Variants in CFAP54 observed in about 807,000 individuals in gnomAD.
CFAP54 encodes cilia and flagella associated protein 54.
In CFAP54, 290 loss-of-function variants were observed where a neutral mutation model predicts 370.4. That is an observed-to-expected ratio of 0.78 (90% CI 0.71 to 0.86). The LOEUF is 0.86. CFAP54 is among the 40% of genes least tolerant of loss of function. CFAP54 has a pLI of 0.00. For synonymous variants in CFAP54, 1,206 were observed against 1,236.5 expected (o/e 0.98, Z 0.52); for missense variants, 3,399 against 3,528.7 (o/e 0.96, Z 0.93).
At chr12:96,603,951 ACTT>A (rs1956272623) in intron 26 of CFAP54, among the ~76,000 whole-genome samples, 1 of 152,078 alleles carries the variant, frequency 6.6e-6, no homozygotes, top group Non-Finnish European at 1.5e-5. Context: ...TCTGAAGCCT[ACTT>A]CTGTGAACTC....
chr12:96,539,939 C>A (rs1565889824), intron 13 of CFAP54, among the ~76,000 whole-genome samples: 1 of 152,120 alleles, frequency 6.6e-6, no homozygotes, highest in African/African-American at 2.4e-5. Context: ...TTGGAAGCTG[C>A]ATAAGATTAG....
At chr12:96,634,105 G>C (rs567796278) in intron 32 of CFAP54, among the ~76,000 whole-genome samples, 8 of 127,236 alleles carry the variant, frequency 6.3e-5, no homozygotes, top group Non-Finnish European at 1.3e-4. Context: ...GCCCAGGCTG[G>C]AGTGCAGTGG....
At position 96,651,567 on chromosome 12, in the gene CFAP54, T is replaced by C. The variant is rs113801385; in HGVS notation, c.4873-21T>C. The C allele has an allele frequency of 8.3e-4, 1,329 of 1,598,372 alleles. 6 individuals carry two copies. The African/African-American group carries it at 0.016, about 20-fold the overall frequency. ...TAACTTTTGGAACTTTGGGATCTTT[T>C]AAATTTTGTGTTTGTCATAGGTTCT... On this transcript the variant is annotated intron_variant, in intron 35 of 67. Coordinates refer to ENST00000524981, the MANE Select transcript of CFAP54 (RefSeq NM_001306084.2).
chr12:96,635,608 C>T (rs1240663315), intron 32 of CFAP54, among the ~76,000 whole-genome samples: 1 of 152,188 alleles, frequency 6.6e-6, no homozygotes, highest in Non-Finnish European at 1.5e-5. Flanking sequence ...GCACATCCCA[C>T]AAGTTAAAGG....
At chr12:96,628,818 A>G (rs1280121455) in intron 30 of CFAP54, among the ~76,000 whole-genome samples, 1 of 152,122 alleles carries the variant, frequency 6.6e-6, no homozygotes. Context: ...CCGTCTTGTC[A>G]TTAGCCTTGC....
chr12:96,779,603 T>C (rs1958561152), intron 60 of CFAP54, among the ~76,000 whole-genome samples: 1 of 150,332 alleles, frequency 6.7e-6, no homozygotes, highest in South Asian at 2.1e-4. Context: ...GCAATTAAGA[T>C]TTCACTACAT....
At position 96,764,193 on chromosome 12, in the gene CFAP54, A is replaced by G. The variant is rs1958371421; in HGVS notation, c.8083A>G (p.Asn2695Asp). Residue 2695 changes from asparagine (N) to aspartate (D), a missense_variant, in exon 59 of 68, where the codon AAT becomes GAT. This residue lies in a region of CFAP54 where 2,796 missense variants were observed against 2,869.7 expected (regional missense o/e 0.97). Coordinates refer to ENST00000524981, the MANE Select transcript of CFAP54 (RefSeq NM_001306084.2). ...TAGTTCTGTTAAAGAAACATCAGCA[A>G]ATAAATTTGAAATGTACAGTTCATT... ...RSSSVKETSA[N>D]KFEMYSSLAW... The G allele has an allele frequency of 6.2e-7, 1 of 1,613,364 alleles. No homozygotes were observed. The highest frequency in any genetic ancestry group is 1.3e-5 in the African/African-American group (1 of 74,898).
In CFAP54 at chr12:96,753,899, G is replaced by A. The variant is rs1329643493; in HGVS notation, c.7840+1G>A. 1 of 1,613,158 alleles carries A rather than the reference G, an allele frequency of 6.2e-7. No homozygotes were observed. The highest frequency in any genetic ancestry group is 8.5e-7 in the Non-Finnish European group (1 of 1,179,468). On this transcript the variant is annotated splice_donor_variant, in intron 56 of 67. Coordinates refer to ENST00000524981, the MANE Select transcript of CFAP54 (RefSeq NM_001306084.2). LOFTEE classifies it high-confidence loss of function. ...GAAGCTGAAATCCTTTTTCAGAAAG[G>A]TAAAATGCATCTGGGGTCAGAACTA...
chr12:96,840,369 A>G (rs890652718), intron 66 of CFAP54, among the ~76,000 whole-genome samples: 2 of 152,146 alleles, frequency 1.3e-5, no homozygotes, highest in Non-Finnish European at 2.9e-5. Context: ...TTTTTTTAGC[A>G]TGTAAAATCC....
At chr12:96,573,385 T>C (rs1464953020) in intron 19 of CFAP54, among the ~76,000 whole-genome samples, 2 of 152,186 alleles carry the variant, frequency 1.3e-5, no homozygotes, top group Admixed American at 6.5e-5. Context: ...GAAATCCACT[T>C]ATCTTTTCTG....
chr12:96,777,642 C>T (rs1438584201), intron 60 of CFAP54, among the ~76,000 whole-genome samples: 6 of 152,168 alleles, frequency 3.9e-5, no homozygotes, highest in Non-Finnish European at 8.8e-5. Context: ...AGCCACTGCG[C>T]CTGGCCCATC....
intron 5 of CFAP54, among the ~76,000 whole-genome samples, chr12:96,513,305 G>A (rs1012656462): frequency 6.6e-6 from 1 of 152,182 alleles, no homozygotes; most frequent in African/African-American, 2.4e-5. Context: ...AGATAGTCAT[G>A]CTTGTCACGC....
intron 67 of CFAP54, among the ~76,000 whole-genome samples, chr12:96,864,108 G>A (rs370218020): frequency 2.0e-5 from 3 of 152,188 alleles, no homozygotes; most frequent in African/African-American, 4.8e-5. Flanking sequence ...ATGTCTTTCA[G>A]AGTTTTTTTA....
At chr12:96,747,723 G>T (rs1477328772) in intron 55 of CFAP54, among the ~76,000 whole-genome samples, 2 of 152,114 alleles carry the variant, frequency 1.3e-5, no homozygotes, top group African/African-American at 4.8e-5. Context: ...GATCTTAGAA[G>T]TTATCCAAGC....
At chr12:96,753,129 T>G (rs143986706) in intron 55 of CFAP54, among the ~76,000 whole-genome samples, 205 of 152,292 alleles carry the variant, frequency 1.3e-3, no homozygotes, top group African/African-American at 4.8e-3. Flanking sequence ...TGAATAAATG[T>G]CTGCCTGTCT....
chr12:96,756,431 C>A, intron 56 of CFAP54, 27 bp from the exon 57 acceptor site: 1 of 1,370,688 alleles, frequency 7.3e-7, no homozygotes, highest in African/African-American at 1.5e-5. Context: ...AAGGAAAAAC[C>A]ATCTTTGTAT....
chr12:96,622,022 C>T (rs1441560877), intron 27 of CFAP54, among the ~76,000 whole-genome samples: 2 of 151,182 alleles, frequency 1.3e-5, no homozygotes, highest in South Asian at 4.2e-4. Context: ...CAGTTGGACA[C>T]TGGACTTAAA....
chr12:96,641,860 T>C (rs1389993442), intron 32 of CFAP54, among the ~76,000 whole-genome samples: 2 of 145,232 alleles, frequency 1.4e-5, no homozygotes, highest in African/African-American at 2.5e-5. Flanking sequence ...TTCTCACGCA[T>C]AGGTGGGAAT....
At position 96,564,701 on chromosome 12, in the gene CFAP54, T is replaced by G. The variant is rs1007821807; in HGVS notation, c.2555T>G (p.Met852Arg). 4 of 634,906 alleles carry G rather than the reference T, an allele frequency of 6.3e-6. No homozygotes were observed. The highest frequency in any genetic ancestry group is 5.6e-5 in the Admixed American group (2 of 36,002). 39.3% of individuals were successfully genotyped at this position (634,906 alleles called of 1,614,324 possible). The change falls in exon 19 of 68, where the codon ATG (methionine) becomes AGG (arginine). Residue 852 changes from methionine to arginine, a missense_variant. By Grantham distance (91) the Met-to-Arg change is moderately conservative. Around this residue, in one of 3 missense-constraint regions of CFAP54, gnomAD observed 2,796 missense variants for 2,869.7 expected, o/e 0.97. Transcript: ENST00000524981. ...KNTLSKAIYL[M>R]QKALLIFEKD... Reference sequence around the variant, plus strand: ...ACATTATCCAAAGCAATTTACTTAATGCAGAAAGCTCTTTTAATATTCGAG... The same window carrying G: ...ACATTATCCAAAGCAATTTACTTAAGGCAGAAAGCTCTTTTAATATTCGAG...
Sources: gnomAD v4.1 joint callset for allele counts (sites outside exome capture counted in the v4.1 genomes callset) on GRCh38, gnomAD v4.1.1 for gene constraint, gnomAD v4.1.1 regional missense constraint, MANE v1.5 for transcripts, NCBI Gene and HGNC (gene_info 2026-07-23, HGNC 2026-07-21) for gene names.